TYR: variants seen among roughly 807,000 people sequenced by gnomAD.
The protein encoded by TYR is tyrosinase, also known as LB24-AB.
TYR carries 58 observed loss-of-function variants against 51.5 expected under a neutral mutation model. That is an observed-to-expected ratio of 1.13 (90% CI 0.91 to 1.40). The LOEUF (loss-of-function observed/expected upper bound fraction) is 1.40, where lower values mean the gene tolerates loss of function less well. Among genes scored for constraint, TYR ranks in the 40% most tolerant of loss-of-function variants. The pLI is 0.00. For synonymous variants in TYR, 263 were observed against 235.2 expected, an observed-to-expected ratio of 1.12 and a Z score of -1.08; for missense variants, 732 against 647.4, an observed-to-expected ratio of 1.13 and a Z score of -1.42.
chr11:89,274,948 G>C (rs1366429693), intron 3 of TYR, among the ~76,000 whole-genome samples: 1 of 151,720 alleles, frequency 6.6e-6, no homozygotes, highest in Non-Finnish European at 1.5e-5. Flanking sequence ...GCCCTCCTCA[G>C]GAGGGTATTC....
chr11:89,225,259 CACAT>C (rs1445418472), intron 2 of TYR, among the ~76,000 whole-genome samples: 1 of 151,804 alleles, frequency 6.6e-6, no homozygotes, highest in African/African-American at 2.4e-5. Flanking sequence ...TCTGTTACCT[CACAT>C]ACTTATTTGA....
intron 3 of TYR, among the ~76,000 whole-genome samples, chr11:89,250,977 A>G (rs1333024190): frequency 2.0e-5 from 3 of 151,912 alleles, no homozygotes; most frequent in Non-Finnish European, 4.4e-5. Context: ...ATAAGAAAAC[A>G]AATCATTTGA....
intron 2 of TYR, among the ~76,000 whole-genome samples, chr11:89,214,417 C>G (rs538903113): frequency 1.3e-5 from 2 of 152,164 alleles, no homozygotes; most frequent in Non-Finnish European, 2.9e-5. Context: ...AATAGGAACC[C>G]TTTTACACTG....
chr11:89,226,030 A>G (rs2135280561), intron 2 of TYR, among the ~76,000 whole-genome samples: 1 of 151,920 alleles, frequency 6.6e-6, no homozygotes, highest in Admixed American at 6.6e-5. Context: ...TTTTAAATTA[A>G]AAAAATCAGT....
chr11:89,210,986 G>A (rs200771852), intron 2 of TYR, among the ~76,000 whole-genome samples: 5 of 152,006 alleles, frequency 3.3e-5, no homozygotes, highest in African/African-American at 9.7e-5. Flanking sequence ...AAGGAACAAC[G>A]GGTACCAGAC....
At chr11:89,225,219 G>T (rs1047696805) in intron 2 of TYR, among the ~76,000 whole-genome samples, 1 of 151,614 alleles carries the variant, frequency 6.6e-6, no homozygotes, top group Non-Finnish European at 1.5e-5. Flanking sequence ...GTATACATTG[G>T]GAAATGGCTA....
At chr11:89,275,774 G>A (rs1944646825) in intron 3 of TYR, among the ~76,000 whole-genome samples, 6 of 151,756 alleles carry the variant, frequency 4.0e-5, no homozygotes, top group Admixed American at 3.9e-4. Context: ...GTTATAGCTT[G>A]GTGTTTGACT....
chr11:89,239,453 T>C (rs1030200879), intron 3 of TYR, among the ~76,000 whole-genome samples: 7 of 152,060 alleles, frequency 4.6e-5, no homozygotes, highest in Admixed American at 4.6e-4. Flanking sequence ...GCATCTTCTT[T>C]TTTTTCTTAT....
At chr11:89,220,737 C>G (rs1314455527) in intron 2 of TYR, among the ~76,000 whole-genome samples, 1 of 151,926 alleles carries the variant, frequency 6.6e-6, no homozygotes, top group Non-Finnish European at 1.5e-5. Context: ...GCCTGGGCAA[C>G]AAGAGCGAAA....
chr11:89,249,572 G>C (rs1442906943), intron 3 of TYR, among the ~76,000 whole-genome samples: 1 of 151,766 alleles, frequency 6.6e-6, no homozygotes, highest in East Asian at 1.9e-4. Flanking sequence ...AAAACACAAG[G>C]ATGATCATGC....
At chr11:89,272,066 C>T (rs1944594391) in intron 3 of TYR, among the ~76,000 whole-genome samples, 1 of 151,862 alleles carries the variant, frequency 6.6e-6, no homozygotes, top group Admixed American at 6.6e-5. Context: ...TTTGGATTCA[C>T]CTTCTTCCAC....
At chr11:89,189,113 C>T (rs1206094431) in intron 1 of TYR, among the ~76,000 whole-genome samples, 1 of 151,954 alleles carries the variant, frequency 6.6e-6, no homozygotes, top group Non-Finnish European at 1.5e-5. Flanking sequence ...TTCTGCTAGA[C>T]TAGTTATAAA....
intron 3 of TYR, among the ~76,000 whole-genome samples, chr11:89,244,914 G>C (rs956682351): frequency 1.3e-5 from 2 of 152,148 alleles, no homozygotes; most frequent in Non-Finnish European, 2.9e-5. Flanking sequence ...AAAGCAAAAC[G>C]TAACTCTGCA....
chr11:89,188,451 C>A (rs2135250536), intron 1 of TYR, among the ~76,000 whole-genome samples: 1 of 152,086 alleles, frequency 6.6e-6, no homozygotes, highest in East Asian at 1.9e-4. Flanking sequence ...ACAGATAAAG[C>A]AGAAATTAGT....
intron 1 of TYR, among the ~76,000 whole-genome samples, chr11:89,186,424 TG>T (rs1197952071): frequency 2.0e-5 from 3 of 152,180 alleles, no homozygotes; most frequent in Non-Finnish European, 4.4e-5. Context: ...TTTTGTTCTT[TG>T]TTTTCCTGGG....
intron 3 of TYR, among the ~76,000 whole-genome samples, chr11:89,245,260 A>T (rs1944249363): frequency 6.6e-6 from 1 of 152,212 alleles, no homozygotes; most frequent in South Asian, 2.1e-4. Flanking sequence ...ACTAAAAACA[A>T]AACTAAGGTT....
intron 2 of TYR, among the ~76,000 whole-genome samples, chr11:89,226,819 T>C (rs935993386): frequency 6.6e-6 from 1 of 152,130 alleles, no homozygotes; most frequent in African/African-American, 2.4e-5. Flanking sequence ...TTCTTAATTC[T>C]GAAATTTAAT....
At chr11:89,179,344 A>T (rs1943271074) in intron 1 of TYR, among the ~76,000 whole-genome samples, 1 of 152,194 alleles carries the variant, frequency 6.6e-6, no homozygotes, top group Non-Finnish European at 1.5e-5. Flanking sequence ...ATTGGATTAG[A>T]TCTTCATTTT....
chr11:89,290,739 T>C (rs993640889), intron 4 of TYR, among the ~76,000 whole-genome samples: 7 of 152,024 alleles, frequency 4.6e-5, no homozygotes, highest in African/African-American at 1.4e-4. Context: ...GTTATACATA[T>C]ATTTTTGCTC....
Sources: allele counts gnomAD v4.1 joint callset (sites outside exome capture counted in the v4.1 genomes callset), GRCh38; gene constraint gnomAD v4.1.1; transcripts MANE v1.5; gene names NCBI Gene and HGNC (gene_info 2026-07-23, HGNC 2026-07-21).